The following CDK6 variants were observed in gnomAD, a reference collection of about 807,000 sequenced individuals.
CDK6 encodes the protein cyclin-dependent kinase 6.
In CDK6, 6 loss-of-function variants were observed where a neutral mutation model predicts 37.1. The observed-to-expected ratio is 0.16, with a 90% CI of 0.09 to 0.32. CDK6 has a LOEUF of 0.32. CDK6 is among the 10% of genes least tolerant of loss of function. CDK6 has a pLI of 1.00. For missense variants in CDK6, 224 were observed against 418.9 expected (o/e 0.53, Z 4.06); for synonymous variants, 160 against 161.3 (o/e 0.99, Z 0.06).
At chr7:92,665,282 T>TCCAC (rs1206003199) in intron 5 of CDK6, among the ~76,000 whole-genome samples, 24 of 152,060 alleles carry the variant, frequency 1.6e-4, no homozygotes, top group African/African-American at 5.5e-4. Flanking sequence ...CATCCATCCA[T>TCCAC]CCATCCATCC....
intron 3 of CDK6, among the ~76,000 whole-genome samples, chr7:92,735,562 T>C (rs1034429240): frequency 6.6e-6 from 1 of 152,210 alleles, no homozygotes; most frequent in African/African-American, 2.4e-5. Flanking sequence ...TTTTATATTA[T>C]AGATTTGATT....
At chr7:92,682,263 A>T (rs1322333029) in intron 4 of CDK6, among the ~76,000 whole-genome samples, 1 of 152,142 alleles carries the variant, frequency 6.6e-6, no homozygotes, top group Non-Finnish European at 1.5e-5. Context: ...TTTACCTCCA[A>T]TGCTCTCATA....
At chr7:92,766,200 G>A (rs1308451497) in intron 3 of CDK6, among the ~76,000 whole-genome samples, 3 of 152,256 alleles carry the variant, frequency 2.0e-5, no homozygotes, top group Non-Finnish European at 4.4e-5. Context: ...TACAGAGGAT[G>A]GTCCATAAAG....
At chr7:92,658,317 A>C (rs1796752157) in intron 5 of CDK6, among the ~76,000 whole-genome samples, 1 of 152,204 alleles carries the variant, frequency 6.6e-6, no homozygotes. Flanking sequence ...TTACTGCAAC[A>C]CTGTTTGCAG....
At position 92,778,946 on chromosome 7, in the gene CDK6, T is replaced by TATATATAA. The variant is rs1479181745; in HGVS notation, c.234-4116_234-4115insTTATATAT. On this transcript the variant is annotated intron_variant, in intron 2 of 7. Coordinates refer to ENST00000424848, the MANE Select transcript of CDK6 (RefSeq NM_001145306.2). ...TATCATATATATATATATATATATA[T>TATATATAA]AAGATATTATAGTAATTTCCAAAAG... Among the ~76,000 whole-genome samples, 108 of 134,994 alleles carry TATATATAA rather than the reference T, an allele frequency of 8.0e-4. 11 individuals carry two copies. Among genetic ancestry groups the TATATATAA allele is most frequent in the African/African-American group, 2.6e-3 (87 of 33,546 alleles). 88.6% of individuals were successfully genotyped at this position (134,994 alleles called of 152,430 possible). A position where few individuals can be genotyped will look rare whatever the true frequency, so the allele number is the denominator to read the frequency against.
At chr7:92,802,812 T>C (rs1179949310) in intron 2 of CDK6, among the ~76,000 whole-genome samples, 1 of 152,214 alleles carries the variant, frequency 6.6e-6, no homozygotes, top group African/African-American at 2.4e-5. Flanking sequence ...GATAACACTG[T>C]TATGGGGATA....
chr7:92,811,209 T>C (rs1224174128), intron 2 of CDK6, among the ~76,000 whole-genome samples: 1 of 152,210 alleles, frequency 6.6e-6, no homozygotes, highest in Admixed American at 6.5e-5. Context: ...ATTTTACTCA[T>C]TGGACATTCT....
rs955216289 is a variant in CDK6, at chr7:92,610,216, C to T, written c.*4924G>A. 15 of 232,056 alleles carry T rather than the reference C, an allele frequency of 6.5e-5. No homozygotes were observed. In the Admixed American group the frequency reaches 6.8e-4, roughly 10 times the overall value. The allele number at this position is 232,056 out of a possible 1,614,324, so 14.4% of individuals were successfully genotyped here. On this transcript the variant is annotated 3_prime_UTR_variant, in exon 8 of 8. Transcript: ENST00000424848. ...CCACATCAACTTCAAATTGCTGTAA[C>T]AGTATTTCAGCAGATGCTCGAAAAG...
chr7:92,775,916 AT>A (rs993230098), intron 2 of CDK6, among the ~76,000 whole-genome samples: 15 of 151,884 alleles, frequency 9.9e-5, no homozygotes, highest in African/African-American at 3.4e-4. Context: ...ACCTCCGTTA[AT>A]TTTTTTTATT....
At chr7:92,650,116 A>G (rs1051465323) in intron 5 of CDK6, among the ~76,000 whole-genome samples, 1 of 152,230 alleles carries the variant, frequency 6.6e-6, no homozygotes, top group Non-Finnish European at 1.5e-5. Context: ...AGCTACAAAC[A>G]ATACACCCAC....
At chr7:92,816,477 A>C (rs542180948) in intron 2 of CDK6, among the ~76,000 whole-genome samples, 5 of 152,266 alleles carry the variant, frequency 3.3e-5, no homozygotes, top group African/African-American at 1.2e-4. Flanking sequence ...CTCTGATCAC[A>C]ACAGAATTAG....
At chr7:92,634,327 A>G (rs995301950) in intron 5 of CDK6, among the ~76,000 whole-genome samples, 1 of 152,146 alleles carries the variant, frequency 6.6e-6, no homozygotes, top group Non-Finnish European at 1.5e-5. Flanking sequence ...TTTATGATAA[A>G]TTGCATCACT....
At chr7:92,665,352 A>G (rs1171182064) in intron 5 of CDK6, among the ~76,000 whole-genome samples, 1 of 152,316 alleles carries the variant, frequency 6.6e-6, no homozygotes, top group Admixed American at 6.5e-5. Flanking sequence ...AACCAAATTT[A>G]TAACAATTTT....
intron 4 of CDK6, among the ~76,000 whole-genome samples, chr7:92,677,123 C>T (rs1283433461): frequency 6.6e-6 from 1 of 152,138 alleles, no homozygotes; most frequent in South Asian, 2.1e-4. Flanking sequence ...ATCATTGTAA[C>T]CAAGTGAGAG....
At position 92,774,807 on chromosome 7, in the gene CDK6, T is replaced by A. The variant is rs1337540100; in HGVS notation, c.258A>T (p.Ser86=). The A allele has an allele frequency of 1.2e-6, 2 of 1,612,162 alleles. No homozygotes were observed. The highest frequency in any genetic ancestry group is 1.7e-6 in the Non-Finnish European group (2 of 1,179,280). ...VVRLFDVCTV[S]RTDRETKLTL... The stretch of plus-strand genomic sequence containing the variant: ...TTAGTTTGGTTTCTCTGTCTGTTCG[T>A]GACACTGTGCACACATCAAACAACC... Residue 86 remains serine (S), a synonymous_variant, in exon 3 of 8, where the codon TCA becomes TCT. Coordinates refer to ENST00000424848, the MANE Select transcript of CDK6 (RefSeq NM_001145306.2).
At chr7:92,625,257 C>G (rs1161319758) in intron 5 of CDK6, among the ~76,000 whole-genome samples, 1 of 150,048 alleles carries the variant, frequency 6.7e-6, no homozygotes, top group Non-Finnish European at 1.5e-5. Flanking sequence ...CACACACACA[C>G]ACCTCTCTTA....
intron 4 of CDK6, among the ~76,000 whole-genome samples, chr7:92,684,786 A>G (rs1203910790): frequency 6.6e-6 from 1 of 152,192 alleles, no homozygotes; most frequent in Non-Finnish European, 1.5e-5. Flanking sequence ...AATAGGAGAG[A>G]AGGAAAATAC....
At chr7:92,710,578 G>T in intron 4 of CDK6, 1 of 301,840 alleles carries the variant, frequency 3.3e-6, no homozygotes, top group Non-Finnish European at 4.9e-6. Context: ...CACTTTGATT[G>T]GATATTTTGT....
chr7:92,770,495 C>T (rs1003928028), intron 3 of CDK6, among the ~76,000 whole-genome samples: 3 of 151,768 alleles, frequency 2.0e-5, no homozygotes, highest in Non-Finnish European at 2.9e-5. Context: ...TTAGAGTTTC[C>T]CCAATAAGTT....
Sources: allele counts gnomAD v4.1 joint callset (sites outside exome capture counted in the v4.1 genomes callset), GRCh38; gene constraint gnomAD v4.1.1; transcripts MANE v1.5; gene names NCBI Gene and HGNC (gene_info 2026-07-23, HGNC 2026-07-21).